RCL1: variants seen among roughly 807,000 people sequenced by gnomAD.
RCL1 encodes RNA terminal phosphate cyclase like 1.
A neutral mutation model predicts 42.4 loss-of-function variants in RCL1; 24 were observed. That is an observed-to-expected ratio of 0.57 (90% CI 0.41 to 0.80). The LOEUF (loss-of-function observed/expected upper bound fraction) is 0.80. RCL1 is among the 30% of genes least tolerant of loss of function. RCL1 has a pLI of 0.00. For missense variants in RCL1, 578 were observed against 467.9 expected (o/e 1.24, Z -2.17); for synonymous variants, 228 against 177.3 (o/e 1.29, Z -2.27).
chr9:4,850,483 TTTTTTTTTTC>T (rs1269542519), intron 8 of RCL1: 1 of 144,254 alleles, frequency 6.9e-6, no homozygotes, highest in Non-Finnish European at 1.6e-5. Flanking sequence ...TTATGGAGGC[TTTTTTTTTTC>T]TTTTTTTTTT....
At chr9:4,823,418 C>A in intron 1 of RCL1, 130 bp from the exon 2 acceptor site, 1 of 636,902 alleles carries the variant, frequency 1.6e-6, no homozygotes, top group Non-Finnish European at 2.7e-6. Flanking sequence ...TTTAGGAAAG[C>A]CCAGGTGTGA....
At chr9:4,835,403 G>C (rs1009443673) in intron 5 of RCL1, among the ~76,000 whole-genome samples, 17 of 152,364 alleles carry the variant, frequency 1.1e-4, no homozygotes, top group Admixed American at 9.1e-4. Flanking sequence ...GGACTCAGCA[G>C]CAGGCTGTCA....
In RCL1 at chr9:4,852,865, C is replaced by G. The variant is rs1004716630; in HGVS notation, c.971+3315C>G. Among the ~76,000 whole-genome samples, 3 of 151,908 alleles carry G rather than the reference C, an allele frequency of 2.0e-5. No individual in the cohort carries two copies. The East Asian group carries it at 5.8e-4, about 29-fold the overall frequency. On this transcript the variant is annotated intron_variant, in intron 8 of 8. Coordinates refer to ENST00000381750, the MANE Select transcript of RCL1 (RefSeq NM_005772.5). ...TCAGGTCACTTTGAACCCCAGGAGGCCTAGTAAACTTGCTTTGGGTGATTT... is the reference window on the plus strand; with the variant it reads ...TCAGGTCACTTTGAACCCCAGGAGGGCTAGTAAACTTGCTTTGGGTGATTT...
intron 1 of RCL1, among the ~76,000 whole-genome samples, chr9:4,812,407 T>A (rs1007766354): frequency 3.9e-5 from 6 of 152,094 alleles, no homozygotes; most frequent in African/African-American, 1.4e-4. Context: ...TGGCTATAGT[T>A]TTCCCAGGAC....
chr9:4,814,141 A>G (rs1048678958), intron 1 of RCL1, among the ~76,000 whole-genome samples: 1 of 151,982 alleles, frequency 6.6e-6, no homozygotes, highest in Non-Finnish European at 1.5e-5. Flanking sequence ...AACTTAAAGT[A>G]TAATTTAAAA....
chr9:4,853,332 T>G (rs1243694496), intron 8 of RCL1, among the ~76,000 whole-genome samples: 1 of 151,426 alleles, frequency 6.6e-6, no homozygotes, highest in Non-Finnish European at 1.5e-5. Flanking sequence ...CTCTTTTTTT[T>G]TTTTTTTTTG....
Position 4,834,254 on chromosome 9 carries a change from T to G in RCL1, c.573T>G (p.Ile191Met), listed in dbSNP as rs767726268. Residue 191 changes from isoleucine to methionine, a missense_variant, in exon 5 of 9, where the codon ATT (isoleucine) becomes ATG (methionine). Transcript: ENST00000381750. ...QLTDPGKIKR[I>M]RGMAYSVRVS... ...CAGATCCAGGAAAAATCAAACGTAT[T>G]AGAGGAATGGCGTATCCTTTCCATT... The G allele has an allele frequency of 6.2e-7, 1 of 1,612,536 alleles. No homozygotes were observed. The highest frequency in any genetic ancestry group is 8.5e-7 in the Non-Finnish European group (1 of 1,179,028).
At chr9:4,817,893 T>C (rs1816441945) in intron 1 of RCL1, among the ~76,000 whole-genome samples, 1 of 151,232 alleles carries the variant, frequency 6.6e-6, no homozygotes, top group African/African-American at 2.4e-5. Context: ...TCAGTTCATT[T>C]TGCTCTTACT....
intron 3 of RCL1, among the ~76,000 whole-genome samples, chr9:4,831,908 A>G (rs185184117): frequency 6.6e-6 from 1 of 152,308 alleles, no homozygotes; most frequent in African/African-American, 2.4e-5. Flanking sequence ...GGAAATTCAG[A>G]TAGTTGTGAT....
intron 1 of RCL1, among the ~76,000 whole-genome samples, chr9:4,811,932 C>T (rs902148946): frequency 6.6e-6 from 1 of 152,138 alleles, no homozygotes; most frequent in African/African-American, 2.4e-5. Flanking sequence ...TTTTGATTTG[C>T]ATTTCCCTGA....
At chr9:4,810,306 C>G (rs908534290) in intron 1 of RCL1, among the ~76,000 whole-genome samples, 10 of 152,144 alleles carry the variant, frequency 6.6e-5, no homozygotes, top group Non-Finnish European at 1.3e-4. Context: ...AAACAGTATG[C>G]CAGCATCCTC....
At chr9:4,821,196 G>A (rs1329758097) in intron 1 of RCL1, among the ~76,000 whole-genome samples, 1 of 152,188 alleles carries the variant, frequency 6.6e-6, no homozygotes, top group Non-Finnish European at 1.5e-5. Context: ...CCTGAAGCAG[G>A]AGGATCACTT....
intron 3 of RCL1, chr9:4,827,428 A>G: frequency 4.2e-6 from 2 of 473,986 alleles, no homozygotes; most frequent in Non-Finnish European, 7.5e-6. Context: ...GCTCCTTGGC[A>G]TTGTTACAGC....
At chr9:4,843,035 C>CATG (rs1394530439) in intron 6 of RCL1, among the ~76,000 whole-genome samples, 3 of 152,174 alleles carry the variant, frequency 2.0e-5, no homozygotes, top group African/African-American at 4.8e-5. Context: ...AAGACATGGA[C>CATG]ATGATGTAGA....
In RCL1 at chr9:4,810,686, C is replaced by T. The variant is rs114131266; in HGVS notation, c.137-12862C>T. Among the ~76,000 whole-genome samples, 519 of 152,228 alleles carry T rather than the reference C, an allele frequency of 3.4e-3. 1 individual carries two copies. Among genetic ancestry groups the T allele is most frequent in the African/African-American group, 0.011 (474 of 41,530 alleles). On this transcript the variant is annotated intron_variant, in intron 1 of 8. Coordinates refer to ENST00000381750, the MANE Select transcript of RCL1 (RefSeq NM_005772.5). The stretch of plus-strand genomic sequence containing the variant: ...TATGTCTCTTGCCTGAATGCTGGAT[C>T]GTAGGGTGTGCCTATGTTTAGTTTT...
At chr9:4,815,715 C>T (rs1008125462) in intron 1 of RCL1, among the ~76,000 whole-genome samples, 9 of 151,906 alleles carry the variant, frequency 5.9e-5, no homozygotes, top group South Asian at 4.2e-4. Flanking sequence ...GATAGTGTAG[C>T]GCAGGCCACA....
intron 8 of RCL1, chr9:4,850,369 T>C (rs1418342967): frequency 7.5e-6 from 4 of 531,736 alleles, no homozygotes; most frequent in Non-Finnish European, 1.5e-5. Flanking sequence ...AACTGAAGAA[T>C]GGTGGTGCCA....
chr9:4,800,388 T>C (rs449037), intron 1 of RCL1, among the ~76,000 whole-genome samples: 24 of 152,044 alleles, frequency 1.6e-4, no homozygotes, highest in Non-Finnish European at 3.2e-4. Context: ...ATAATTTTTG[T>C]ATTTTTAGTA....
intron 6 of RCL1, among the ~76,000 whole-genome samples, chr9:4,844,240 G>A (rs1817431510): frequency 6.6e-6 from 1 of 152,178 alleles, no homozygotes. Flanking sequence ...CTGCTGGGAA[G>A]GCCGCCACAC....
Sources: allele counts gnomAD v4.1 joint callset (sites outside exome capture counted in the v4.1 genomes callset), GRCh38; gene constraint gnomAD v4.1.1; transcripts MANE v1.5; gene names NCBI Gene and HGNC (gene_info 2026-07-23, HGNC 2026-07-21).